CNTNAP5: variants seen among roughly 807,000 people sequenced by gnomAD.
CNTNAP5 encodes the protein contactin-associated protein-like 5.
Under a neutral mutation model 150.2 loss-of-function variants are expected in CNTNAP5, and 72 were observed. That is an observed-to-expected ratio of 0.48 (90% CI 0.40 to 0.58). The LOEUF (loss-of-function observed/expected upper bound fraction) is 0.58. Among genes scored for constraint, CNTNAP5 ranks in the 20% least tolerant of loss-of-function variants. The pLI is 0.00. For synonymous variants in CNTNAP5, 672 were observed against 619.8 expected (o/e 1.08, Z -1.25); for missense variants, 1,636 against 1,626.2 (o/e 1.01, Z -0.10).
intron 3 of CNTNAP5, among the ~76,000 whole-genome samples, chr2:124,372,369 G>A (rs1186325651): frequency 6.6e-6 from 1 of 151,868 alleles, no homozygotes; most frequent in African/African-American, 2.4e-5. Flanking sequence ...GCCTATGGTG[G>A]GACTTTGCTT....
At chr2:124,412,611 GA>G (rs888126078) in intron 3 of CNTNAP5, among the ~76,000 whole-genome samples, 9 of 148,324 alleles carry the variant, frequency 6.1e-5, no homozygotes, top group African/African-American at 2.3e-4. Flanking sequence ...ACAAACCTGA[GA>G]AAAACAAGCA....
intron 8 of CNTNAP5, among the ~76,000 whole-genome samples, chr2:124,511,720 G>T (rs772018090): frequency 7.2e-5 from 11 of 152,140 alleles, no homozygotes; most frequent in South Asian, 2.1e-4. Flanking sequence ...TGAATGATTG[G>T]GAGTACCCAG....
chr2:124,585,060 G>A (rs4848941), intron 11 of CNTNAP5, among the ~76,000 whole-genome samples: 32,344 of 152,142 alleles, frequency 0.21, 4,487 homozygotes, highest in East Asian at 0.68. Flanking sequence ...TAAGTTTAGG[G>A]AGCAAGCATG....
In CNTNAP5 at chr2:124,416,235, A is replaced by G. The variant is rs559188224; in HGVS notation, c.382-1208A>G. The stretch of plus-strand genomic sequence containing the variant: ...AGTGAGGAGGGGAAGGTAAGAGAGA[A>G]TTGAGGCTACTTCTTTAGTTGTATG... On this transcript the variant is annotated intron_variant, in intron 3 of 23. Coordinates refer to ENST00000682447, the MANE Select transcript of CNTNAP5 (RefSeq NM_001367498.1). Among the ~76,000 whole-genome samples, 52 of 152,288 alleles carry G rather than the reference A, an allele frequency of 3.4e-4. 1 individual carries two copies. Among genetic ancestry groups the G allele is most frequent in the Admixed American group, 1.4e-3 (22 of 15,278 alleles).
intron 19 of CNTNAP5, among the ~76,000 whole-genome samples, chr2:124,823,381 A>G (rs150908111): frequency 6.6e-6 from 1 of 152,298 alleles, no homozygotes; most frequent in East Asian, 1.9e-4. Flanking sequence ...CCATTATCAA[A>G]TGCTTTGTCT....
intron 3 of CNTNAP5, among the ~76,000 whole-genome samples, chr2:124,378,989 T>A (rs1284236509): frequency 1.3e-5 from 2 of 151,966 alleles, no homozygotes; most frequent in Non-Finnish European, 2.9e-5. Context: ...TATTTTCTAA[T>A]TTTTTTTCTA....
chr2:124,097,799 C>A (rs1682971335), intron 1 of CNTNAP5, among the ~76,000 whole-genome samples: 2 of 152,146 alleles, frequency 1.3e-5, no homozygotes. Flanking sequence ...GCGGCCGAGG[C>A]GGGAGGATCA....
chr2:124,484,948 A>G (rs796249135), intron 7 of CNTNAP5, among the ~76,000 whole-genome samples: 2 of 152,296 alleles, frequency 1.3e-5, no homozygotes, highest in East Asian at 1.9e-4. Context: ...ATAACCTTCT[A>G]TAAGTGTTCC....
intron 7 of CNTNAP5, among the ~76,000 whole-genome samples, chr2:124,487,234 C>G (rs1417135339): frequency 1.3e-5 from 2 of 152,140 alleles, no homozygotes; most frequent in Non-Finnish European, 2.9e-5. Context: ...CCCAAGGCAT[C>G]AGGGAAATTC....
At chr2:124,293,018 A>G (rs543640288) in intron 3 of CNTNAP5, among the ~76,000 whole-genome samples, 1 of 152,254 alleles carries the variant, frequency 6.6e-6, no homozygotes, top group African/African-American at 2.4e-5. Flanking sequence ...TGAATAAGCA[A>G]AAAGAATAAT....
chr2:124,622,978 G>T (rs1189758885), intron 12 of CNTNAP5, among the ~76,000 whole-genome samples: 2 of 152,126 alleles, frequency 1.3e-5, no homozygotes, highest in Non-Finnish European at 2.9e-5. Context: ...TTTTATAAGT[G>T]CACGAATGAG....
intron 3 of CNTNAP5, among the ~76,000 whole-genome samples, chr2:124,349,079 T>C (rs1020586588): frequency 6.6e-6 from 1 of 152,240 alleles, no homozygotes; most frequent in Non-Finnish European, 1.5e-5. Flanking sequence ...TGATTGGACA[T>C]GTCTGGCTTA....
At chr2:124,763,565 A>G (rs2104600126) in intron 14 of CNTNAP5, 107 bp from the exon 15 acceptor site, 2 of 1,021,856 alleles carry the variant, frequency 2.0e-6, no homozygotes, top group African/African-American at 3.2e-5. Context: ...CTCTGCCCCT[A>G]CCCTGCTGCA....
intron 1 of CNTNAP5, among the ~76,000 whole-genome samples, chr2:124,158,559 A>G (rs971248834): frequency 6.6e-6 from 1 of 152,276 alleles, no homozygotes; most frequent in African/African-American, 2.4e-5. Flanking sequence ...TCAATTTGCA[A>G]TTGGTTGAAT....
chr2:124,155,542 A>C (rs1478630102), intron 1 of CNTNAP5, among the ~76,000 whole-genome samples: 4 of 152,146 alleles, frequency 2.6e-5, no homozygotes, highest in Admixed American at 2.0e-4. Context: ...AGGAAAAAAT[A>C]GGATTTACTA....
intron 8 of CNTNAP5, among the ~76,000 whole-genome samples, chr2:124,512,232 A>G (rs993063461): frequency 2.6e-5 from 4 of 152,032 alleles, no homozygotes; most frequent in Non-Finnish European, 4.4e-5. Flanking sequence ...CCATTAAAGC[A>G]TCTTCTCCCC....
At chr2:124,186,895 C>T (rs887574874) in intron 1 of CNTNAP5, among the ~76,000 whole-genome samples, 32 of 152,288 alleles carry the variant, frequency 2.1e-4, no homozygotes, top group African/African-American at 7.5e-4. Context: ...AGTGCAAACT[C>T]AGTGTGTTGA....
intron 19 of CNTNAP5, among the ~76,000 whole-genome samples, chr2:124,845,487 A>C (rs1683030571): frequency 6.8e-6 from 1 of 146,752 alleles, no homozygotes; most frequent in Non-Finnish European, 1.5e-5. Flanking sequence ...TATTAGGGTG[A>C]TAATGGCTTC....
At chr2:124,441,745 T>A (rs1188591732) in intron 5 of CNTNAP5, among the ~76,000 whole-genome samples, 1 of 151,968 alleles carries the variant, frequency 6.6e-6, no homozygotes, top group Non-Finnish European at 1.5e-5. Context: ...CACTAGCCAC[T>A]TAAACACTTT....
Sources: allele counts gnomAD v4.1 joint callset (sites outside exome capture counted in the v4.1 genomes callset), GRCh38; gene constraint gnomAD v4.1.1; transcripts MANE v1.5; gene names NCBI Gene and HGNC (gene_info 2026-07-23, HGNC 2026-07-21).